ERC2: variants seen among roughly 807,000 people sequenced by gnomAD.
ERC2 encodes ELKS/RAB6-interacting/CAST family member 2, also known as ERC protein 2.
Under a neutral mutation model 114.8 loss-of-function variants are expected in ERC2, and 42 were observed. The ratio of observed to expected loss-of-function variants is 0.37; its 90% CI spans 0.29 to 0.47. The LOEUF (loss-of-function observed/expected upper bound fraction) is 0.47, where lower values mean the gene tolerates loss of function less well. ERC2 is among the 20% of genes least tolerant of loss of function. The pLI is 0.99. For synonymous variants in ERC2, 454 were observed against 425.5 expected, an observed-to-expected ratio of 1.07 and a Z score of -0.82; for missense variants, 939 against 1,150.7, an observed-to-expected ratio of 0.82 and a Z score of 2.66.
chr3:56,065,625 A>G (rs2076439637), intron 7 of ERC2, among the ~76,000 whole-genome samples: 1 of 151,890 alleles, frequency 6.6e-6, no homozygotes, highest in Admixed American at 6.6e-5. Context: ...CGCTGCACCT[A>G]TCAATCCAAC....
intron 17 of ERC2, among the ~76,000 whole-genome samples, chr3:55,524,653 T>A (rs954905654): frequency 2.0e-5 from 3 of 152,210 alleles, no homozygotes; most frequent in Non-Finnish European, 2.9e-5. Context: ...GCAGTTGTCA[T>A]AAATTTTTGG....
chr3:56,412,445 G>C (rs1021012586), intron 2 of ERC2, among the ~76,000 whole-genome samples: 1 of 152,234 alleles, frequency 6.6e-6, no homozygotes, highest in African/African-American at 2.4e-5. Flanking sequence ...CCACTCTACA[G>C]ATCAGGAAAC....
At chr3:55,864,957 T>C (rs2062233030) in intron 14 of ERC2, among the ~76,000 whole-genome samples, 1 of 152,176 alleles carries the variant, frequency 6.6e-6, no homozygotes, top group Non-Finnish European at 1.5e-5. Context: ...ATCTCCTGTT[T>C]AGTAAGTCCT....
At chr3:56,268,622 T>G (rs2053474349) in intron 3 of ERC2, among the ~76,000 whole-genome samples, 1 of 152,214 alleles carries the variant, frequency 6.6e-6, no homozygotes, top group African/African-American at 2.4e-5. Flanking sequence ...TAAATCAACT[T>G]TTAATGTGTT....
At chr3:56,062,534 A>G (rs2076286726) in intron 7 of ERC2, among the ~76,000 whole-genome samples, 1 of 152,224 alleles carries the variant, frequency 6.6e-6, no homozygotes, top group Admixed American at 6.5e-5. Flanking sequence ...GATTACAAAA[A>G]ATAATAATAA....
At chr3:55,932,501 A>C (rs1232014821) in intron 13 of ERC2, among the ~76,000 whole-genome samples, 1 of 152,060 alleles carries the variant, frequency 6.6e-6, no homozygotes, top group Non-Finnish European at 1.5e-5. Flanking sequence ...TCACCTCTGG[A>C]CCTTTGTACA....
chr3:56,028,539 A>G (rs1479490793), intron 7 of ERC2, among the ~76,000 whole-genome samples: 1 of 152,004 alleles, frequency 6.6e-6, no homozygotes, highest in South Asian at 2.1e-4. Context: ...TTACATCTAC[A>G]TATTTTATTT....
Position 56,296,360 on chromosome 3 carries a change from C to T in ERC2, c.733G>A (p.Glu245Lys), listed in dbSNP as rs966474635. Residue 245 changes from glutamate (E) to lysine (K), a missense_variant, in exon 3 of 18, where the codon GAG (glutamate) becomes AAG (lysine). By Grantham distance (56) the Glu-to-Lys change is moderately conservative. Coordinates refer to ENST00000288221, the MANE Select transcript of ERC2 (RefSeq NM_015576.3). Reference sequence around the variant, plus strand: ...TGCTCCGCTCCTCGGTTGCCACTCTCTTGCTGGAGGAGGTGGTTGAGGTCT... The same window carrying T: ...TGCTCCGCTCCTCGGTTGCCACTCTTTTGCTGGAGGAGGTGGTTGAGGTCT... ...QRDLNHLLQQ[E>K]SGNRGAEHFT... 6.2e-7 allele frequency: 1 copy of T among 1,614,040 alleles called. No homozygotes were observed. Among genetic ancestry groups the T allele is most frequent in the Non-Finnish European group, 8.5e-7 (1 of 1,179,898 alleles).
In ERC2 at chr3:56,076,423, T is replaced by C. The variant is rs200916761; in HGVS notation, c.1641+4394A>G. Among the ~76,000 whole-genome samples the C allele has an allele frequency of 4.0e-4, 58 of 143,756 alleles. No individual in the cohort carries two copies. In the East Asian group the frequency reaches 0.012, roughly 29 times the overall value. The allele number at this position is 143,756 out of a possible 152,430, so 94.3% of individuals were successfully genotyped here. ...TACACTTTCCAAATGTACAATGTCA[T>C]CAGGTTTTATGACATTTCCTACAAA... On this transcript the variant is annotated intron_variant, in intron 7 of 17. Coordinates refer to ENST00000288221, the MANE Select transcript of ERC2 (RefSeq NM_015576.3).
intron 2 of ERC2, among the ~76,000 whole-genome samples, chr3:56,362,012 G>A (rs2058975651): frequency 6.6e-6 from 1 of 152,134 alleles, no homozygotes; most frequent in African/African-American, 2.4e-5. Context: ...CAGAAAGGAA[G>A]GCCATACCTT....
At chr3:55,512,840 G>A (rs1499886) in intron 17 of ERC2, among the ~76,000 whole-genome samples, 109,442 of 152,152 alleles carry the variant, frequency 0.72, 40,725 homozygotes, top group African/African-American at 0.87. Flanking sequence ...TCTTTCAATC[G>A]AACAATCCAT....
At chr3:56,338,183 A>G (rs771416831) in intron 2 of ERC2, among the ~76,000 whole-genome samples, 1 of 152,238 alleles carries the variant, frequency 6.6e-6, no homozygotes, top group East Asian at 1.9e-4. Context: ...GTGACAGGAA[A>G]GGAGAACACA....
chr3:55,917,932 C>A (rs1404942556), intron 13 of ERC2, among the ~76,000 whole-genome samples: 1 of 151,704 alleles, frequency 6.6e-6, no homozygotes, highest in Non-Finnish European at 1.5e-5. Context: ...TTGAGAGTTG[C>A]CTTGATTAAG....
intron 15 of ERC2, among the ~76,000 whole-genome samples, chr3:55,731,283 C>T (rs1020713298): frequency 1.3e-5 from 2 of 152,148 alleles, no homozygotes; most frequent in Non-Finnish European, 1.5e-5. Context: ...TCAACATGTG[C>T]CCAGCTGTTT....
chr3:56,064,156 C>T lies in ERC2; in HGVS notation c.1641+16661G>A, dbSNP rs2076365022. Among the ~76,000 whole-genome samples the T allele has an allele frequency of 2.0e-5, 3 of 152,160 alleles. No individual in the cohort carries two copies. In the South Asian group the frequency reaches 6.2e-4, roughly 32 times the overall value. ...GGTTAAATAGCTCTGGTCAAATGCC[C>T]CATGTTTGTTTTCCCCTGACTACCT... On this transcript the variant is annotated intron_variant, in intron 7 of 17. Coordinates refer to ENST00000288221, the MANE Select transcript of ERC2 (RefSeq NM_015576.3).
chr3:56,273,429 G>A (rs1455714507), intron 3 of ERC2, among the ~76,000 whole-genome samples: 2 of 151,638 alleles, frequency 1.3e-5, no homozygotes, highest in Admixed American at 1.3e-4. Context: ...AATTTTTGTA[G>A]AGACAGGGTT....
Position 55,918,120 on chromosome 3 carries a change from A to G in ERC2, c.2404-29571T>C, listed in dbSNP as rs145575216. On this transcript the variant is annotated intron_variant, in intron 13 of 17. Transcript: ENST00000288221. The stretch of plus-strand genomic sequence containing the variant: ...AGAGATAAGACAATAGATCACACCA[A>G]AGCTATTTATATTCCAGGTCTGAAA... Among the ~76,000 whole-genome samples, 605 of 152,224 alleles carry G rather than the reference A, an allele frequency of 4.0e-3. 9 individuals are homozygous for G. Among genetic ancestry groups the G allele is most frequent in the African/African-American group, 0.014 (568 of 41,524 alleles).
chr3:56,304,785 T>C (rs752510493), intron 2 of ERC2, among the ~76,000 whole-genome samples: 8 of 152,176 alleles, frequency 5.3e-5, no homozygotes, highest in African/African-American at 1.2e-4. Flanking sequence ...AGATATAAAG[T>C]CTTAGTGTTT....
chr3:55,866,038 C>T (rs2062296095), intron 14 of ERC2, among the ~76,000 whole-genome samples: 1 of 152,098 alleles, frequency 6.6e-6, no homozygotes, highest in Admixed American at 6.6e-5. Flanking sequence ...AAACTGTTTT[C>T]CAAAGTGGCC....
Sources: gnomAD v4.1 joint callset for allele counts (sites outside exome capture counted in the v4.1 genomes callset) on GRCh38, gnomAD v4.1.1 for gene constraint, MANE v1.5 for transcripts, NCBI Gene and HGNC (gene_info 2026-07-23, HGNC 2026-07-21) for gene names.